The following SNX30 variants were observed in gnomAD, a reference collection of about 807,000 sequenced individuals.
SNX30 encodes the protein sorting nexin-30.
Under a neutral mutation model 46.4 loss-of-function variants are expected in SNX30, and 24 were observed. The ratio of observed to expected loss-of-function variants is 0.52; its 90% CI spans 0.37 to 0.73. The LOEUF is 0.73. Among genes scored for constraint, SNX30 ranks in the 30% least tolerant of loss-of-function variants. The pLI is 0.00. For missense variants in SNX30, 533 were observed against 555.7 expected (o/e 0.96, Z 0.41); for synonymous variants, 189 against 211.5 (o/e 0.89, Z 0.92).
At chr9:112,885,281 C>G (rs1012976887), downstream of SNX30, 1 of 152,076 alleles carries the variant, frequency 6.6e-6, no homozygotes, top group African/African-American at 2.4e-5. Flanking sequence ...TCACTGTCCC[C>G]TTGAACAAGC....
chr9:112,809,359 C>T (rs1432517929), intron 2 of SNX30, among the ~76,000 whole-genome samples: 3 of 151,894 alleles, frequency 2.0e-5, no homozygotes, highest in Admixed American at 2.0e-4. Context: ...GGATTACAGG[C>T]GTGAGCCACT....
At chr9:112,843,956 G>T (rs1007096857) in intron 6 of SNX30, among the ~76,000 whole-genome samples, 1 of 152,136 alleles carries the variant, frequency 6.6e-6, no homozygotes, top group African/African-American at 2.4e-5. Context: ...AAGCCATTTG[G>T]TTTTATGCAG....
chr9:112,870,646 C>T lies in SNX30; in HGVS notation c.*1803C>T, dbSNP rs961053686. 3 of 152,200 alleles carry T rather than the reference C, an allele frequency of 2.0e-5. No homozygotes were observed. Among genetic ancestry groups the T allele is most frequent in the Admixed American group, 6.5e-5 (1 of 15,284 alleles). The allele number at this position is 152,200 out of a possible 1,614,324, so 9.4% of individuals were successfully genotyped here. The stretch of plus-strand genomic sequence containing the variant: ...CAGGTAAGAACAACCCATGTACCCC[C>T]GAGTGATTGCATGCTTTATTCTACC... On this transcript the variant is annotated 3_prime_UTR_variant, in exon 9 of 9. Coordinates refer to ENST00000374232, the MANE Select transcript of SNX30 (RefSeq NM_001012994.2).
chr9:112,838,285 A>T (rs1755936300), intron 5 of SNX30, among the ~76,000 whole-genome samples: 1 of 152,126 alleles, frequency 6.6e-6, no homozygotes, highest in South Asian at 2.1e-4. Flanking sequence ...CCATCACGGG[A>T]TGGAATGGAT....
intron 3 of SNX30, among the ~76,000 whole-genome samples, chr9:112,818,345 C>G (rs1290631003): frequency 6.6e-6 from 1 of 152,050 alleles, no homozygotes; most frequent in Non-Finnish European, 1.5e-5. Context: ...ATCACCTGCC[C>G]CAGCCTTCTG....
intron 8 of SNX30, among the ~76,000 whole-genome samples, chr9:112,865,736 C>G (rs1441524479): frequency 6.9e-6 from 1 of 144,728 alleles, no homozygotes; most frequent in Non-Finnish European, 1.5e-5. Flanking sequence ...TACATACACA[C>G]ATGAGTGAGT....
At chr9:112,861,897 G>A (rs899984396) in intron 7 of SNX30, among the ~76,000 whole-genome samples, 4 of 152,062 alleles carry the variant, frequency 2.6e-5, no homozygotes, top group African/African-American at 9.7e-5. Flanking sequence ...ATCCTCCTCA[G>A]CGTGCTTATC....
intron 1 of SNX30, among the ~76,000 whole-genome samples, chr9:112,789,234 G>C (rs1276879444): frequency 1.3e-5 from 2 of 152,230 alleles, no homozygotes; most frequent in Non-Finnish European, 2.9e-5. Flanking sequence ...CAGCAGCAGA[G>C]GAAGAATTTT....
At chr9:112,832,180 C>A (rs745617792) in intron 4 of SNX30, among the ~76,000 whole-genome samples, 15 of 151,878 alleles carry the variant, frequency 9.9e-5, no homozygotes, top group African/African-American at 1.7e-4. Context: ...GCTTTCCCCC[C>A]CTACAGGTTG....
At chr9:112,775,129 T>TG (rs948711134) in intron 1 of SNX30, among the ~76,000 whole-genome samples, 2 of 151,042 alleles carry the variant, frequency 1.3e-5, no homozygotes, top group Non-Finnish European at 2.9e-5. Flanking sequence ...TATGAGCCCC[T>TG]GTGCCCAGCC....
At chr9:112,808,051 G>A (rs529285904) in intron 2 of SNX30, among the ~76,000 whole-genome samples, 5 of 152,076 alleles carry the variant, frequency 3.3e-5, no homozygotes, top group Non-Finnish European at 5.9e-5. Context: ...GTTTCTAATA[G>A]TGACACCAGG....
At chr9:112,832,804 A>C (rs1027071230) in intron 4 of SNX30, among the ~76,000 whole-genome samples, 4 of 147,044 alleles carry the variant, frequency 2.7e-5, no homozygotes, top group Non-Finnish European at 4.5e-5. Context: ...AAATTAGAAA[A>C]AATATATATT....
chr9:112,785,416 C>T (rs1839907554), intron 1 of SNX30, among the ~76,000 whole-genome samples: 1 of 145,696 alleles, frequency 6.9e-6, no homozygotes. Flanking sequence ...TAGAATCTCA[C>T]TCTGTCACCC....
downstream of SNX30, chr9:112,879,942 G>T: frequency 2.4e-6 from 2 of 831,896 alleles, no homozygotes; most frequent in South Asian, 1.6e-5. Flanking sequence ...GGTAGGCATT[G>T]ACCAAGGTGT....
chr9:112,858,488 C>A (rs1564294189), intron 7 of SNX30, among the ~76,000 whole-genome samples: 1 of 152,092 alleles, frequency 6.6e-6, no homozygotes, highest in Non-Finnish European at 1.5e-5. Context: ...GCACTCCAGC[C>A]TGGGAAACAG....
At chr9:112,879,682 C>A, downstream of SNX30, 2 of 1,360,972 alleles carry the variant, frequency 1.5e-6, no homozygotes, top group South Asian at 1.2e-5. Flanking sequence ...TTGCTTAGGT[C>A]ACCAGTTCCC....
intron 7 of SNX30, among the ~76,000 whole-genome samples, chr9:112,863,413 G>T (rs557768543): frequency 5.9e-5 from 9 of 152,326 alleles, no homozygotes; most frequent in Admixed American, 2.6e-4. Flanking sequence ...AGCCAGCTTT[G>T]GGAAGCGCTG....
chr9:112,810,811 T>C (rs1025956462), intron 2 of SNX30, among the ~76,000 whole-genome samples: 3 of 152,160 alleles, frequency 2.0e-5, no homozygotes, highest in African/African-American at 7.2e-5. Context: ...GGATGACAGC[T>C]GTGCGGGAGA....
intron 1 of SNX30, among the ~76,000 whole-genome samples, chr9:112,756,505 C>A (rs1054295653): frequency 7.2e-6 from 1 of 138,894 alleles, no homozygotes; most frequent in African/African-American, 2.7e-5. Context: ...GGTGCAATGG[C>A]ACGATCTCAG....
Sources: allele counts gnomAD v4.1 joint callset (sites outside exome capture counted in the v4.1 genomes callset), GRCh38; gene constraint gnomAD v4.1.1; transcripts MANE v1.5; gene names NCBI Gene and HGNC (gene_info 2026-07-23, HGNC 2026-07-21).